Variants in HS3ST4 observed in about 807,000 individuals in gnomAD.
The protein encoded by HS3ST4 is heparan sulfate glucosamine 3-O-sulfotransferase 4.
HS3ST4 carries 17 observed loss-of-function variants against 29.2 expected under a neutral mutation model. That is an observed-to-expected ratio of 0.58 (90% confidence interval 0.40 to 0.87). The LOEUF (loss-of-function observed/expected upper bound fraction) is 0.87, where lower values mean the gene tolerates loss of function less well. Among genes scored for constraint, HS3ST4 ranks in the 40% least tolerant of loss-of-function variants. HS3ST4 has a pLI of 0.00. For synonymous variants in HS3ST4, 314 were observed against 285.7 expected (o/e 1.10, Z -1.00); for missense variants, 627 against 634.5 (o/e 0.99, Z 0.13).
chr16:26,076,124 T>A (rs1457049112), intron 1 of HS3ST4, among the ~76,000 whole-genome samples: 1 of 152,232 alleles, frequency 6.6e-6, no homozygotes, highest in Non-Finnish European at 1.5e-5. Context: ...TGTCTATGGC[T>A]TGAGCATACA....
At chr16:25,945,490 G>GTT (rs35034089) in intron 1 of HS3ST4, among the ~76,000 whole-genome samples, 123,424 of 151,940 alleles carry the variant, frequency 0.81, 50,744 homozygotes, top group African/African-American at 0.94. Context: ...CTGGGTGAGT[G>GTT]TCCTTTGGTA....
At chr16:26,029,444 A>C (rs1969511906) in intron 1 of HS3ST4, among the ~76,000 whole-genome samples, 1 of 150,788 alleles carries the variant, frequency 6.6e-6, no homozygotes, top group Non-Finnish European at 1.5e-5. Flanking sequence ...ACAAAGTCTC[A>C]CTCTGTCGCC....
At chr16:25,760,836 T>G (rs935119025) in intron 1 of HS3ST4, among the ~76,000 whole-genome samples, 1 of 152,096 alleles carries the variant, frequency 6.6e-6, no homozygotes, top group Non-Finnish European at 1.5e-5. Flanking sequence ...TGTGGGGAGA[T>G]ATAATTCAGC....
rs1208041510 is a variant in HS3ST4, at chr16:25,692,783, G to A, written c.366G>A (p.Gly122=). Residue 122 remains glycine, a synonymous_variant, in exon 1 of 2, where the codon GGG becomes GGA. Transcript: ENST00000331351. ...PEPPEQPAAP[G]TDGWGLPSGG... ...CCCCAGAGCAGCCAGCCGCCCCCGG[G>A]ACCGACGGCTGGGGGCTGCCGAGCG... 8.1e-6 allele frequency: 11 copies of A among 1,365,876 alleles called. No homozygotes were observed. Among genetic ancestry groups the A allele is most frequent in the Non-Finnish European group, 7.5e-6 (8 of 1,069,934 alleles). 84.6% of individuals were successfully genotyped at this position (1,365,876 alleles called of 1,614,324 possible). A position where few individuals can be genotyped will look rare whatever the true frequency, so the allele number is the denominator to read the frequency against.
intron 1 of HS3ST4, among the ~76,000 whole-genome samples, chr16:25,913,673 T>C (rs767348385): frequency 2.6e-5 from 4 of 152,124 alleles, no homozygotes; most frequent in Non-Finnish European, 4.4e-5. Context: ...GTTACTAGGT[T>C]GAGAGAAAAT....
intron 1 of HS3ST4, among the ~76,000 whole-genome samples, chr16:25,860,545 A>C (rs1967626165): frequency 6.6e-6 from 1 of 152,216 alleles, no homozygotes; most frequent in Admixed American, 6.5e-5. Flanking sequence ...AGTGCTGAAA[A>C]GAAACAAGCC....
chr16:25,702,603 A>T (rs1159277181), intron 1 of HS3ST4, among the ~76,000 whole-genome samples: 2 of 151,776 alleles, frequency 1.3e-5, no homozygotes, highest in Non-Finnish European at 2.9e-5. Flanking sequence ...TAAGTCATTG[A>T]TGCCTAAATT....
intron 1 of HS3ST4, among the ~76,000 whole-genome samples, chr16:26,048,012 G>C (rs1436089368): frequency 2.0e-5 from 3 of 152,194 alleles, no homozygotes; most frequent in Non-Finnish European, 4.4e-5. Flanking sequence ...CAGCACTGCA[G>C]AGCCTGGAAG....
intron 1 of HS3ST4, among the ~76,000 whole-genome samples, chr16:25,846,399 G>A (rs1334260978): frequency 6.6e-6 from 1 of 152,092 alleles, no homozygotes. Flanking sequence ...CTGGGTGCAG[G>A]GACAGGTACC....
At chr16:25,785,334 A>G (rs1342582280) in intron 1 of HS3ST4, among the ~76,000 whole-genome samples, 1 of 152,176 alleles carries the variant, frequency 6.6e-6, no homozygotes, top group Non-Finnish European at 1.5e-5. Context: ...TCAGCTAGAG[A>G]TGAGTGTAAG....
At chr16:25,859,960 A>C (rs1189116044) in intron 1 of HS3ST4, among the ~76,000 whole-genome samples, 1 of 152,224 alleles carries the variant, frequency 6.6e-6, no homozygotes, top group Non-Finnish European at 1.5e-5. Context: ...ACCTCCTGTC[A>C]GATCAGCAGC....
In HS3ST4 at chr16:26,061,477, T is replaced by A. The variant is rs528688882; in HGVS notation, c.735-74135T>A. 4.6e-5 allele frequency among the ~76,000 whole-genome samples: 7 copies of A among 152,314 alleles called. No homozygotes were observed. In the South Asian group the frequency reaches 1.5e-3, roughly 32 times the overall value. ...CCTCCACCACCATCTTGGCTACACA[T>A]GAGCACCAGGAACAATTATGATCAG... On this transcript the variant is annotated intron_variant, in intron 1 of 1. Coordinates refer to ENST00000331351, the MANE Select transcript of HS3ST4 (RefSeq NM_006040.3).
chr16:25,968,777 A>G (rs1372259333), intron 1 of HS3ST4, among the ~76,000 whole-genome samples: 1 of 152,192 alleles, frequency 6.6e-6, no homozygotes, highest in African/African-American at 2.4e-5. Context: ...TGCACAGAAC[A>G]GTGGTAGTCA....
At chr16:25,924,974 G>A (rs895476533) in intron 1 of HS3ST4, among the ~76,000 whole-genome samples, 6 of 152,026 alleles carry the variant, frequency 3.9e-5, no homozygotes, top group African/African-American at 9.7e-5. Context: ...TAAGCAACAC[G>A]TAGGAATTTC....
At chr16:25,857,930 TTCTTTCTTTC>T (rs1967595106) in intron 1 of HS3ST4, among the ~76,000 whole-genome samples, 1 of 50,210 alleles carries the variant, frequency 2.0e-5, no homozygotes, top group South Asian at 7.0e-4. Flanking sequence ...CTTTCTTTCT[TTCTTTCTTTC>T]TTTCTTTCTT....
chr16:25,731,443 C>T (rs977145669), intron 1 of HS3ST4, among the ~76,000 whole-genome samples: 1 of 152,136 alleles, frequency 6.6e-6, no homozygotes, highest in Non-Finnish European at 1.5e-5. Flanking sequence ...TGGACTCAAG[C>T]AATCCTCCCA....
chr16:26,028,846 A>G (rs547677884), intron 1 of HS3ST4: 3 of 152,366 alleles, frequency 2.0e-5, no homozygotes, highest in South Asian at 4.1e-4. Context: ...GTTTTGGATT[A>G]AACACAGAGC....
intron 1 of HS3ST4, among the ~76,000 whole-genome samples, chr16:26,003,659 C>A (rs1029205646): frequency 6.6e-6 from 1 of 152,136 alleles, no homozygotes; most frequent in Non-Finnish European, 1.5e-5. Flanking sequence ...AAAGAGCTAC[C>A]CCTGAACTGG....
intron 1 of HS3ST4, among the ~76,000 whole-genome samples, chr16:25,863,444 T>C (rs891592023): frequency 1.6e-4 from 25 of 152,208 alleles, no homozygotes; most frequent in African/African-American, 5.8e-4. Flanking sequence ...TGATGTTTTA[T>C]GATAAATAGA....
Sources: gnomAD v4.1 joint callset for allele counts (sites outside exome capture counted in the v4.1 genomes callset) on GRCh38, gnomAD v4.1.1 for gene constraint, MANE v1.5 for transcripts, NCBI Gene and HGNC (gene_info 2026-07-23, HGNC 2026-07-21) for gene names.